Variants in OSBPL3 observed in about 807,000 individuals in gnomAD.
OSBPL3 encodes oxysterol-binding protein-related protein 3.
Under a neutral mutation model 120.1 loss-of-function variants are expected in OSBPL3, and 65 were observed. That is an observed-to-expected ratio of 0.54 (90% CI 0.44 to 0.67). The LOEUF (loss-of-function observed/expected upper bound fraction) is 0.67, where lower values mean the gene tolerates loss of function less well. Ranked by LOEUF, OSBPL3 falls within the 30% of genes least tolerant of loss-of-function variation. The pLI is 0.00. For missense variants in OSBPL3, 1,004 were observed against 1,082.1 expected, an observed-to-expected ratio of 0.93 and a Z score of 1.01; for synonymous variants, 416 against 402.6, an observed-to-expected ratio of 1.03 and a Z score of -0.40.
intron 20 of OSBPL3, among the ~76,000 whole-genome samples, chr7:24,809,141 TTC>T (rs1480553792): frequency 6.6e-6 from 1 of 152,160 alleles, no homozygotes; most frequent in Non-Finnish European, 1.5e-5. Flanking sequence ...TCAAATGGTT[TTC>T]TGTTTGGTTT....
At position 24,865,458 on chromosome 7, in the gene OSBPL3, C is replaced by T; in HGVS notation, c.557G>A (p.Ser186Asn). 1 of 1,613,622 alleles carries T rather than the reference C, an allele frequency of 6.2e-7. No individual in the cohort carries two copies. The highest frequency in any genetic ancestry group is 1.1e-5 in the South Asian group (1 of 91,026). ...TTGAAATAAATTCTGCTTTGATATA[C>T]TGCTACGCTGTTCCACGGATGACAA... is the stretch of plus-strand genomic sequence containing the variant. ...FDSISSRKRSSISKQNLFQTG... is the reference protein window; with the variant it reads ...FDSISSRKRSNISKQNLFQTG... Residue 186 changes from serine to asparagine, a missense_variant, in exon 7 of 23, where the codon AGT becomes AAT. Physicochemically the swap from Ser to Asn is conservative, Grantham distance 46. Coordinates refer to ENST00000313367, the MANE Select transcript of OSBPL3 (RefSeq NM_015550.4).
chr7:24,892,319 A>G, intron 2 of OSBPL3, 58 bp downstream of exon 2: 2 of 1,571,862 alleles, frequency 1.3e-6, no homozygotes, highest in East Asian at 4.5e-5. Flanking sequence ...GTGCATTTTA[A>G]CCAGCAAACT....
At chr7:24,903,883 A>ATTTTTTT (rs5882953) in intron 1 of OSBPL3, among the ~76,000 whole-genome samples, 1 of 138,930 alleles carries the variant, frequency 7.2e-6, no homozygotes, top group East Asian at 2.1e-4. Flanking sequence ...CTCACCACCA[A>ATTTTTTT]TTTTTTTTTT....
rs780569468 is a variant in OSBPL3 at position 24,799,167 on chromosome 7, C to T, written c.*1016G>A. 2 of 152,480 alleles carry T rather than the reference C, an allele frequency of 1.3e-5. No homozygotes were observed. Among genetic ancestry groups the T allele is most frequent in the Non-Finnish European group, 2.9e-5 (2 of 68,022 alleles). The allele number at this position is 152,480 out of a possible 1,614,324, so 9.4% of individuals were successfully genotyped here. A position where few individuals can be genotyped will look rare whatever the true frequency, so the allele number is the denominator to read the frequency against. On this transcript the variant is annotated 3_prime_UTR_variant, in exon 23 of 23. Coordinates refer to ENST00000313367, the MANE Select transcript of OSBPL3 (RefSeq NM_015550.4). The surrounding 1 kb of genome is among the most constrained non-coding windows in gnomAD (Gnocchi z 5.3). ...TTTATACAAGATCTAAAATATGGTG[C>T]TTATTAAGAGGTAGAAAATACTAAA...
chr7:24,804,471 T>C lies in OSBPL3; in HGVS notation c.2445-34A>G. On this transcript the variant is annotated intron_variant, in intron 21 of 22. Coordinates refer to ENST00000313367, the MANE Select transcript of OSBPL3 (RefSeq NM_015550.4). The surrounding 1 kb of genome is among the most constrained non-coding windows in gnomAD (Gnocchi z 5.4). ...TCGAGGAAAAAAAAATGAAAGGATA[T>C]GAATTCAAGAAAACAAAACAATCAT... is the stretch of plus-strand genomic sequence containing the variant. 1 of 1,600,228 alleles carries C rather than the reference T, an allele frequency of 6.2e-7. No individual in the cohort carries two copies. The highest frequency in any genetic ancestry group is 8.5e-7 in the Non-Finnish European group (1 of 1,171,494).
At position 24,867,933 on chromosome 7, in the gene OSBPL3, T is replaced by G. The variant is rs1474743719; in HGVS notation, c.382-1696A>C. On this transcript the variant is annotated intron_variant, in intron 5 of 22. Transcript: ENST00000313367. This position sits in a 1 kb window ranked among gnomAD's most constrained non-coding sequence, Gnocchi z 4.5. ...CCATGAAGAATACTGTAACTAGTAG[T>G]TTTTATTTAAAGATATTTCAAATGT... 1.3e-5 allele frequency among the ~76,000 whole-genome samples: 2 copies of G among 152,208 alleles called. No homozygotes were observed. The highest frequency in any genetic ancestry group is 2.9e-5 in the Non-Finnish European group (2 of 68,034).
rs1794561820 is a variant in OSBPL3, at chr7:24,817,026, C to T, written c.1949-338G>A. Among the ~76,000 whole-genome samples the T allele has an allele frequency of 1.3e-5, 2 of 152,086 alleles. No individual in the cohort carries two copies. Among genetic ancestry groups the T allele is most frequent in the Admixed American group, 6.6e-5 (1 of 15,260 alleles). On this transcript the variant is annotated intron_variant, in intron 17 of 22. Transcript: ENST00000313367. This position sits in a 1 kb window ranked among gnomAD's most constrained non-coding sequence, Gnocchi z 4.0. ...GAGTGACGAATATGCTTGGAGAAAG[C>T]ATCAGAAGAGGCTTGTCAGAAAGGG...
rs1307320622 is a variant in OSBPL3 at position 24,834,405 on chromosome 7, G to C, written c.1746+81C>G. 2 of 1,543,776 alleles carry C rather than the reference G, an allele frequency of 1.3e-6. No homozygotes were observed. Among genetic ancestry groups the C allele is most frequent in the South Asian group, 1.3e-5 (1 of 78,920 alleles). On this transcript the variant is annotated intron_variant, in intron 15 of 22. Transcript: ENST00000313367. This position sits in a 1 kb window ranked among gnomAD's most constrained non-coding sequence, Gnocchi z 5.2. The stretch of plus-strand genomic sequence containing the variant: ...AATGAAACCGGAGGGAACAGGGGCT[G>C]TCTCTCTGATGGGCCCCGTGAATGG...
chr7:24,928,244 T>A (rs1256085716), intron 1 of OSBPL3, among the ~76,000 whole-genome samples: 1 of 146,530 alleles, frequency 6.8e-6, no homozygotes, highest in Admixed American at 7.0e-5. Context: ...CAGGCTGGAG[T>A]GCAGCAGCAC....
chr7:24,809,702 G>A (rs989293835), intron 20 of OSBPL3, 105 bp downstream of exon 20: 1 of 1,035,136 alleles, frequency 9.7e-7, no homozygotes, highest in African/African-American at 1.6e-5. Flanking sequence ...AGCAGAAGAG[G>A]CTGGAGATGC....
At chr7:24,869,701 T>A (rs886698727) in intron 5 of OSBPL3, among the ~76,000 whole-genome samples, 2 of 152,192 alleles carry the variant, frequency 1.3e-5, no homozygotes, top group Non-Finnish European at 2.9e-5. Context: ...TTTACACAAT[T>A]AGCTACACCC....
In OSBPL3 at chr7:24,806,630, C is replaced by T; in HGVS notation, c.2444+146G>A. On this transcript the variant is annotated intron_variant, in intron 21 of 22. Transcript: ENST00000313367. This position sits in a 1 kb window ranked among gnomAD's most constrained non-coding sequence, Gnocchi z 5.2. ...GTTGGGCCCCATCTCCTCCGTGATA[C>T]AATTGTTTAAAGCATCCCCACCTCT... is the stretch of plus-strand genomic sequence containing the variant. 1 of 663,884 alleles carries T rather than the reference C, an allele frequency of 1.5e-6. No individual in the cohort carries two copies. 41.1% of individuals were successfully genotyped at this position (663,884 alleles called of 1,614,324 possible). A position where few individuals can be genotyped will look rare whatever the true frequency, so the allele number is the denominator to read the frequency against.
In OSBPL3 at chr7:24,871,903, G is replaced by C; in HGVS notation, c.213+50C>G. 6.8e-7 allele frequency: 1 copy of C among 1,469,972 alleles called. No individual in the cohort carries two copies. The highest frequency in any genetic ancestry group is 9.5e-7 in the Non-Finnish European group (1 of 1,048,706). 91.1% of individuals were successfully genotyped at this position (1,469,972 alleles called of 1,614,324 possible). A position where few individuals can be genotyped will look rare whatever the true frequency, so the allele number is the denominator to read the frequency against. On this transcript the variant is annotated intron_variant, in intron 3 of 22. Coordinates refer to ENST00000313367, the MANE Select transcript of OSBPL3 (RefSeq NM_015550.4). This position sits in a 1 kb window ranked among gnomAD's most constrained non-coding sequence, Gnocchi z 4.8. ...TATGAGTACCTAAGAACCAGGTGCT[G>C]AGTGGGGCAGTGTGAGTGCAAATAA...
chr7:24,856,907 A>G (rs1799906546), intron 10 of OSBPL3, among the ~76,000 whole-genome samples: 1 of 152,222 alleles, frequency 6.6e-6, no homozygotes, highest in Non-Finnish European at 1.5e-5. Flanking sequence ...TTTAACCCAT[A>G]TTCCATCCAA....
chr7:24,955,572 G>A lies in OSBPL3; in HGVS notation c.-150+24314C>T, dbSNP rs1814943774. 6.6e-6 allele frequency among the ~76,000 whole-genome samples: 1 copy of A among 152,006 alleles called. No individual in the cohort carries two copies. Among genetic ancestry groups the A allele is most frequent in the South Asian group, 2.1e-4 (1 of 4,832 alleles). ...AGTCTGTGCTTCCCCTCTTTTTTCA[G>A]GTTTCTGCTCAAATGTCACCTTATC... On this transcript the variant is annotated intron_variant, in intron 1 of 22. Coordinates refer to ENST00000313367, the MANE Select transcript of OSBPL3 (RefSeq NM_015550.4). This position sits in a 1 kb window ranked among gnomAD's most constrained non-coding sequence, Gnocchi z 4.3.
Position 24,798,569 on chromosome 7 carries a change from T to G in OSBPL3, c.*1614A>C, listed in dbSNP as rs1791960093. 2 of 152,212 alleles carry G rather than the reference T, an allele frequency of 1.3e-5. No homozygotes were observed. Among genetic ancestry groups the G allele is most frequent in the African/African-American group, 4.8e-5 (2 of 41,458 alleles). 9.4% of individuals were successfully genotyped at this position (152,212 alleles called of 1,614,324 possible). A position where few individuals can be genotyped will look rare whatever the true frequency, so the allele number is the denominator to read the frequency against. Reference sequence around the variant, plus strand: ...TGAATCCAATATTTAATGAGTTGTTTTAAAATGCCAGTCACGTGCAGATTC... The same window carrying G: ...TGAATCCAATATTTAATGAGTTGTTGTAAAATGCCAGTCACGTGCAGATTC... On this transcript the variant is annotated 3_prime_UTR_variant, in exon 23 of 23. Coordinates refer to ENST00000313367, the MANE Select transcript of OSBPL3 (RefSeq NM_015550.4). The surrounding 1 kb of genome is among the most constrained non-coding windows in gnomAD (Gnocchi z 4.6).
rs1792955816 is a variant in OSBPL3 at position 24,805,794 on chromosome 7, G to C, written c.2444+982C>G. On this transcript the variant is annotated intron_variant, in intron 21 of 22. Transcript: ENST00000313367. The surrounding 1 kb of genome is among the most constrained non-coding windows in gnomAD (Gnocchi z 4.0). ...CAACAGTGTTCAATCCCTGCAAAATGAATTTACCTCCCTATGTCCATTTTT... is the reference window on the plus strand; with the variant it reads ...CAACAGTGTTCAATCCCTGCAAAATCAATTTACCTCCCTATGTCCATTTTT... Among the ~76,000 whole-genome samples, 3 of 152,112 alleles carry C rather than the reference G, an allele frequency of 2.0e-5. No individual in the cohort carries two copies. The highest frequency in any genetic ancestry group is 1.3e-4 in the Admixed American group (2 of 15,266).
rs1791866398 is a variant in OSBPL3, at chr7:24,797,673, C to A, written c.*2510G>T. 6.6e-6 allele frequency: 1 copy of A among 151,710 alleles called. No individual in the cohort carries two copies. The highest frequency in any genetic ancestry group is 2.4e-5 in the African/African-American group (1 of 41,240). The allele number at this position is 151,710 out of a possible 1,614,324, so 9.4% of individuals were successfully genotyped here. The stretch of plus-strand genomic sequence containing the variant: ...ACCTGAAGTGCAGGGTGGTTACCTG[C>A]ACAAAGTCCCATTTCCAAAAATTTC... On this transcript the variant is annotated 3_prime_UTR_variant, in exon 23 of 23. Coordinates refer to ENST00000313367, the MANE Select transcript of OSBPL3 (RefSeq NM_015550.4). The surrounding 1 kb of genome is among the most constrained non-coding windows in gnomAD (Gnocchi z 4.8).
At position 24,831,341 on chromosome 7, in the gene OSBPL3, T is replaced by C. The variant is rs1400393577; in HGVS notation, c.1747-436A>G. On this transcript the variant is annotated intron_variant, in intron 15 of 22. Transcript: ENST00000313367. The surrounding 1 kb of genome is among the most constrained non-coding windows in gnomAD (Gnocchi z 4.0). The stretch of plus-strand genomic sequence containing the variant: ...CTCCAAAACTCAGGAATCAGCATCA[T>C]AAATTTAACCATTCAAAATGTGGTA... Among the ~76,000 whole-genome samples the C allele has an allele frequency of 6.6e-6, 1 of 152,174 alleles. No homozygotes were observed. The highest frequency in any genetic ancestry group is 2.4e-5 in the African/African-American group (1 of 41,438).
Sources: gnomAD v4.1 joint callset for allele counts (sites outside exome capture counted in the v4.1 genomes callset) on GRCh38, gnomAD v4.1.1 for gene constraint, Gnocchi (gnomAD v3.1) non-coding constraint, MANE v1.5 for transcripts, NCBI Gene and HGNC (gene_info 2026-07-23, HGNC 2026-07-21) for gene names.